FAM216A: variants seen among roughly 807,000 people sequenced by gnomAD.
FAM216A encodes the protein family with sequence similarity 216 member A.
In FAM216A, 26 loss-of-function variants were observed where a neutral mutation model predicts 37.6. That is an observed-to-expected ratio of 0.69 (90% CI 0.51 to 0.96). FAM216A has a LOEUF of 0.96. Ranked by LOEUF, FAM216A falls within the 40% of genes least tolerant of loss-of-function variation. FAM216A has a pLI of 0.00. For synonymous variants in FAM216A, 110 were observed against 121.7 expected (o/e 0.90, Z 0.64); for missense variants, 326 against 339.3 (o/e 0.96, Z 0.31).
At position 110,490,185 on chromosome 12, in the gene FAM216A, G is replaced by A; in HGVS notation, c.*48G>A. 1 of 872,772 alleles carries A rather than the reference G, an allele frequency of 1.1e-6. No homozygotes were observed. The highest frequency in any genetic ancestry group is 1.3e-5 in the South Asian group (1 of 75,752). The allele number at this position is 872,772 out of a possible 1,614,324, so 54.1% of individuals were successfully genotyped here. On this transcript the variant is annotated 3_prime_UTR_variant, in exon 7 of 7. Transcript: ENST00000377673. ...TTCGTGCCAAAGGTGAGGGTAAGGG[G>A]TTGTGAGTTGTGTCCTGTATGTTTA...
intron 3 of FAM216A, 57 bp from the exon 4 acceptor site, chr12:110,486,268 T>TA: frequency 6.7e-7 from 1 of 1,499,226 alleles, no homozygotes; most frequent in Non-Finnish European, 9.0e-7. Flanking sequence ...AGATAAGGAA[T>TA]ATTGCCAACT....
At chr12:110,486,903 A>C in intron 5 of FAM216A, 186 bp downstream of exon 5, 1 of 570,058 alleles carries the variant, frequency 1.8e-6, no homozygotes, top group Non-Finnish European at 3.1e-6. Flanking sequence ...CTAAAGGCAC[A>C]AACCACCATG....
chr12:110,474,946 C>G lies in FAM216A; in HGVS notation c.184+1828C>G, dbSNP rs147846286. Among the ~76,000 whole-genome samples, 1,170 of 151,696 alleles carry G rather than the reference C, an allele frequency of 7.7e-3. 24 individuals are homozygous for G. Among genetic ancestry groups the G allele is most frequent in the African/African-American group, 0.026 (1,093 of 41,358 alleles). Reference sequence around the variant, plus strand: ...GGCAGAGGTTGCGGTGAGCCGAGATCGCGCCATTGAACTCCAGCCTGGGCA... The same window carrying G: ...GGCAGAGGTTGCGGTGAGCCGAGATGGCGCCATTGAACTCCAGCCTGGGCA... On this transcript the variant is annotated intron_variant, in intron 2 of 6. Coordinates refer to ENST00000377673, the MANE Select transcript of FAM216A (RefSeq NM_013300.3).
intron 1 of FAM216A, among the ~76,000 whole-genome samples, chr12:110,471,210 T>C: frequency 6.6e-6 from 1 of 152,096 alleles, no homozygotes; most frequent in South Asian, 2.1e-4. Context: ...TTCTCCTGCC[T>C]CCTGAGTAGC....
Position 110,483,132 on chromosome 12 carries a change from T to C in FAM216A, c.185-1946T>C, listed in dbSNP as rs190529506. ...CGAGGTCAGGAGATCAAGACCATACTGGCTAACACAGTGAAACGCCGTCTC... is the reference window on the plus strand; with the variant it reads ...CGAGGTCAGGAGATCAAGACCATACCGGCTAACACAGTGAAACGCCGTCTC... On this transcript the variant is annotated intron_variant, in intron 2 of 6. Transcript: ENST00000377673. Among the ~76,000 whole-genome samples, 10 of 151,726 alleles carry C rather than the reference T, an allele frequency of 6.6e-5. No individual in the cohort carries two copies. In the East Asian group the frequency reaches 2.0e-3, roughly 30 times the overall value.
chr12:110,472,064 T>A (rs2062689846), intron 1 of FAM216A, among the ~76,000 whole-genome samples: 1 of 151,714 alleles, frequency 6.6e-6, no homozygotes, highest in African/African-American at 2.4e-5. Flanking sequence ...AAACCTTGTC[T>A]GTACTAAAGA....
chr12:110,485,245 A>G, intron 3 of FAM216A, 46 bp downstream of exon 3: 5 of 1,558,110 alleles, frequency 3.2e-6, no homozygotes, highest in Non-Finnish European at 4.3e-6. Flanking sequence ...CTTTGTATTC[A>G]GAGCCGAACT....
intron 2 of FAM216A, among the ~76,000 whole-genome samples, chr12:110,480,741 A>G (rs1367540908): frequency 6.6e-6 from 1 of 152,030 alleles, no homozygotes; most frequent in Non-Finnish European, 1.5e-5. Context: ...CGTACCTATA[A>G]AACACTAACT....
Position 110,486,461 on chromosome 12 carries a change from G to A in FAM216A, c.436+7G>A, listed in dbSNP as rs1354842429. On this transcript the variant is annotated splice_region_variant and intron_variant, in intron 4 of 6. Coordinates refer to ENST00000377673, the MANE Select transcript of FAM216A (RefSeq NM_013300.3). ...CACAGCTCACAAAAGCCAGGCAGGT[G>A]CACCTCCAGTTGTCTTTTCACTAGT... 4 of 1,609,650 alleles carry A rather than the reference G, an allele frequency of 2.5e-6. No individual in the cohort carries two copies. The highest frequency in any genetic ancestry group is 3.4e-6 in the Non-Finnish European group (4 of 1,176,782).
chr12:110,479,605 G>C (rs1354036926), intron 2 of FAM216A, among the ~76,000 whole-genome samples: 4 of 151,770 alleles, frequency 2.6e-5, no homozygotes, highest in Non-Finnish European at 4.4e-5. Context: ...TTGGAAGGCT[G>C]AGGTAGGTGG....
At chr12:110,471,969 C>G (rs1592974452) in intron 1 of FAM216A, among the ~76,000 whole-genome samples, 1 of 152,160 alleles carries the variant, frequency 6.6e-6, no homozygotes, top group South Asian at 2.1e-4. Context: ...TGGTGGCTCA[C>G]ACCTGTAATC....
At chr12:110,486,761 A>ATTT in intron 5 of FAM216A, 44 bp downstream of exon 5, 2 of 1,291,956 alleles carry the variant, frequency 1.5e-6, no homozygotes, top group Non-Finnish European at 1.0e-6. Context: ...TCTCAGTTTA[A>ATTT]TTTTTTTTTT....
At chr12:110,489,969 A>C (rs749050500) in intron 6 of FAM216A, 50 bp from the exon 7 acceptor site, 19 of 887,426 alleles carry the variant, frequency 2.1e-5, no homozygotes, top group Non-Finnish European at 3.5e-5. Context: ...AGTTGTACTT[A>C]GAGCTTTATT....
At position 110,486,395 on chromosome 12, in the gene FAM216A, T is replaced by C. The variant is rs1433067071; in HGVS notation, c.377T>C (p.Leu126Pro). The C allele has an allele frequency of 6.2e-7, 1 of 1,614,078 alleles. No individual in the cohort carries two copies. The highest frequency in any genetic ancestry group is 8.5e-7 in the Non-Finnish European group (1 of 1,179,940). ...SIAKIYNANYLKMLMKRQYMH... is the reference protein window; with the variant it reads ...SIAKIYNANYPKMLMKRQYMH... Reference sequence around the variant, plus strand: ...GCTAAAATCTATAATGCAAACTATCTGAAGATGTTAATGAAGAGGCAGTAC... The same window carrying C: ...GCTAAAATCTATAATGCAAACTATCCGAAGATGTTAATGAAGAGGCAGTAC... The change falls in exon 4 of 7, where the codon CTG becomes CCG. Residue 126 changes from leucine to proline, a missense_variant. Transcript: ENST00000377673.
chr12:110,468,756 C>G (rs1272701895), upstream of FAM216A: 2 of 1,480,068 alleles, frequency 1.4e-6, no homozygotes, highest in Non-Finnish European at 1.8e-6. Flanking sequence ...ATCTGCCCGC[C>G]CCGCTCTCCC....
At position 110,486,570 on chromosome 12, in the gene FAM216A, G is replaced by A. The variant is rs77563856; in HGVS notation, c.473G>A (p.Arg158His). 3,406 of 1,613,962 alleles carry A rather than the reference G, an allele frequency of 2.1e-3. 29 individuals are homozygous for A. Among genetic ancestry groups the A allele is most frequent in the Middle Eastern group, 0.01 (62 of 6,062 alleles). The change falls in exon 5 of 7, where the codon CGT becomes CAT. Residue 158 changes from arginine (R) to histidine (H), a missense_variant. Transcript: ENST00000377673. ...CATCACAGAAGCCGCCTTAGCTCCC[G>A]TTACTCACAGAAACAGCATTACCCT... ...LTHHRSRLSSRYSQKQHYPCT... is the reference protein window; with the variant it reads ...LTHHRSRLSSHYSQKQHYPCT...
chr12:110,473,408 C>T (rs1403404565), intron 2 of FAM216A, among the ~76,000 whole-genome samples: 3 of 152,106 alleles, frequency 2.0e-5, no homozygotes, highest in African/African-American at 7.2e-5. Flanking sequence ...GACAGGGTTT[C>T]GCCATGTTGG....
chr12:110,485,048 C>G, intron 2 of FAM216A, 30 bp from the exon 3 acceptor site: 1 of 1,590,370 alleles, frequency 6.3e-7, no homozygotes, highest in Non-Finnish European at 8.5e-7. Flanking sequence ...ATCTTTGCCT[C>G]TGAAATTCAC....
In FAM216A at chr12:110,485,058, CATG is replaced by C; in HGVS notation, c.185-16_185-14del. The C allele has an allele frequency of 1.3e-6, 2 of 1,592,028 alleles. No individual in the cohort carries two copies. The highest frequency in any genetic ancestry group is 8.5e-7 in the Non-Finnish European group (1 of 1,173,378). Reference sequence around the variant, plus strand: ...AACTGATCTTTGCCTCTGAAATTCACATGATGTCTTTGCCTACAGATAGAATCA... The same window carrying C: ...AACTGATCTTTGCCTCTGAAATTCACATGTCTTTGCCTACAGATAGAATCA... On this transcript the variant is annotated splice_polypyrimidine_tract_variant and intron_variant, in intron 2 of 6. Coordinates refer to ENST00000377673, the MANE Select transcript of FAM216A (RefSeq NM_013300.3).
Sources: gnomAD v4.1 joint callset for allele counts (sites outside exome capture counted in the v4.1 genomes callset) on GRCh38, gnomAD v4.1.1 for gene constraint, MANE v1.5 for transcripts, NCBI Gene and HGNC (gene_info 2026-07-23, HGNC 2026-07-21) for gene names.